The following FCRLB variants were observed in gnomAD, a reference collection of about 807,000 sequenced individuals.
FCRLB encodes Fc receptor like B.
Under a neutral mutation model 33.6 loss-of-function variants are expected in FCRLB, and 34 were observed. The observed-to-expected ratio is 1.01, with a 90% CI of 0.77 to 1.35. The LOEUF (loss-of-function observed/expected upper bound fraction) is 1.35. Among genes scored for constraint, FCRLB ranks in the 40% most tolerant of loss-of-function variants. The pLI, the probability that FCRLB is intolerant of heterozygous loss-of-function variation, is 0.00. For missense variants in FCRLB, 560 were observed against 580.2 expected, an observed-to-expected ratio of 0.97 and a Z score of 0.36; for synonymous variants, 280 against 255.9, an observed-to-expected ratio of 1.09 and a Z score of -0.90.
chr1:161,727,664 G>C, exon 8 of FCRLB: 1 of 1,587,448 alleles, frequency 6.3e-7, no homozygotes, highest in Non-Finnish European at 8.6e-7. Flanking sequence ...GAGAGCTGAG[G>C]GGGCGGCTAC....
exon 5 of FCRLB, chr1:161,723,427 A>T: frequency 6.2e-7 from 1 of 1,614,066 alleles, no homozygotes; most frequent in South Asian, 1.1e-5. Context: ...TTCAAAGGGG[A>T]GCGGGTAACT....
In FCRLB at chr1:161,726,758, G is replaced by T; in HGVS notation, c.630G>T (p.Ala210=). 6.3e-7 allele frequency: 1 copy of T among 1,585,958 alleles called. No homozygotes were observed. ...TGGGTCCGCGGGAGGCCCGCGGCGC[G>T]GCGCTGGGTGGGGTGGTGCTGCGCT... Residue 210 remains alanine, a synonymous_variant, in exon 7 of 8, where the codon GCG becomes GCT. Transcript: ENST00000367948. The surrounding 1 kb of genome is among the most constrained non-coding windows in gnomAD (Gnocchi z 5.2).
exon 5 of FCRLB, chr1:161,723,572 G>A: frequency 6.2e-7 from 1 of 1,614,200 alleles, no homozygotes; most frequent in Non-Finnish European, 8.5e-7. Context: ...ATCGATGCCA[G>A]ACACGGGGAG....
At chr1:161,725,784 T>C in intron 5 of FCRLB, 37 bp from the exon 6 acceptor site, 1 of 1,561,838 alleles carries the variant, frequency 6.4e-7, no homozygotes, top group South Asian at 1.2e-5. Context: ...GGCTGGACTT[T>C]CTGTGGAGTC....
rs899979866 is a variant in FCRLB at position 161,725,895 on chromosome 1, T to C, written c.382T>C (p.Tyr128His). 7 of 1,614,074 alleles carry C rather than the reference T, an allele frequency of 4.3e-6. 1 individual carries two copies. The highest frequency in any genetic ancestry group is 2.5e-6 in the Non-Finnish European group (3 of 1,179,992). Residue 128 changes from tyrosine (Y) to histidine (H), a missense_variant, in exon 6 of 8, where the codon TAC becomes CAC. Tyr to His is a moderately conservative substitution (Grantham distance 83). Coordinates refer to ENST00000367948, the Ensembl canonical transcript of FCRLB. ...GCTAGTCCTGCGCTGCCGCGGCTGGTACGACAAGGTGGTCTACAAGCTTCA... is the reference window on the plus strand; with the variant it reads ...GCTAGTCCTGCGCTGCCGCGGCTGGCACGACAAGGTGGTCTACAAGCTTCA...
In FCRLB at chr1:161,726,758, G is replaced by A. The variant is rs759439962; in HGVS notation, c.630G>A (p.Ala210=). The A allele has an allele frequency of 8.2e-6, 13 of 1,585,840 alleles. No individual in the cohort carries two copies. The highest frequency in any genetic ancestry group is 1.1e-5 in the South Asian group (1 of 87,452). Residue 210 remains alanine, a synonymous_variant, in exon 7 of 8, where the codon GCG becomes GCA. Transcript: ENST00000367948. This position sits in a 1 kb window ranked among gnomAD's most constrained non-coding sequence, Gnocchi z 5.2. ...TGGGTCCGCGGGAGGCCCGCGGCGCGGCGCTGGGTGGGGTGGTGCTGCGCT... is the reference window on the plus strand; with the variant it reads ...TGGGTCCGCGGGAGGCCCGCGGCGCAGCGCTGGGTGGGGTGGTGCTGCGCT...
Position 161,726,464 on chromosome 1 carries a change from T to C in FCRLB, c.575-239T>C. 1.4e-6 allele frequency: 1 copy of C among 733,172 alleles called. No homozygotes were observed. Among genetic ancestry groups the C allele is most frequent in the Admixed American group, 2.0e-5 (1 of 49,996 alleles). 45.4% of individuals were successfully genotyped at this position (733,172 alleles called of 1,614,324 possible). On this transcript the variant is annotated intron_variant, in intron 6 of 7. Transcript: ENST00000367948. This position sits in a 1 kb window ranked among gnomAD's most constrained non-coding sequence, Gnocchi z 5.2. Reference sequence around the variant, plus strand: ...AACCCGAGCTGAGTGTCAGTCGGGATGTGACATGAAGCGTCTGGCCTGGTC... The same window carrying C: ...AACCCGAGCTGAGTGTCAGTCGGGACGTGACATGAAGCGTCTGGCCTGGTC...
chr1:161,727,794 G>A (rs1367537193), exon 8 of FCRLB: 24 of 1,142,738 alleles, frequency 2.1e-5, no homozygotes, highest in Non-Finnish European at 2.8e-5. Context: ...CGCCCACGAA[G>A]TGTAGTGGCT....
Position 161,726,923 on chromosome 1 carries a change from CT to C in FCRLB, c.796del (p.Trp266GlyfsTer102). The C allele has an allele frequency of 6.3e-7, 1 of 1,575,086 alleles. No homozygotes were observed. The highest frequency in any genetic ancestry group is 8.6e-7 in the Non-Finnish European group (1 of 1,160,298). On this transcript the variant is annotated frameshift_variant, in exon 7 of 8. Transcript: ENST00000367948. LOFTEE classifies it high-confidence loss of function. The surrounding 1 kb of genome is among the most constrained non-coding windows in gnomAD (Gnocchi z 5.2). ...CCGAGGTCGAGGAGCTCGAATCGTA[CT>C]GGTGCGAGGCGGCTACCGCCACCCG... is the stretch of plus-strand genomic sequence containing the variant.
chr1:161,727,093 CGCCCCCCGCCTTTCCCAT>C, intron 7 of FCRLB, 100 bp downstream of exon 7: 1 of 1,326,890 alleles, frequency 7.5e-7, no homozygotes, highest in Non-Finnish European at 9.7e-7. Flanking sequence ...GTTCCCGTCC[CGCCCCCCGCCTTTCCCAT>C]CTCCCCTTCG....
Position 161,726,511 on chromosome 1 carries a change from C to T in FCRLB, c.575-192C>T, listed in dbSNP as rs1001056069. 2.4e-6 allele frequency: 2 copies of T among 830,312 alleles called. No homozygotes were observed. Among genetic ancestry groups the T allele is most frequent in the South Asian group, 1.4e-5 (1 of 69,254 alleles). 51.4% of individuals were successfully genotyped at this position (830,312 alleles called of 1,614,324 possible). A position where few individuals can be genotyped will look rare whatever the true frequency, so the allele number is the denominator to read the frequency against. On this transcript the variant is annotated intron_variant, in intron 6 of 7. Coordinates refer to ENST00000367948, the Ensembl canonical transcript of FCRLB. The surrounding 1 kb of genome is among the most constrained non-coding windows in gnomAD (Gnocchi z 5.2). ...GGTCCCTCTTCCTTTCAAGCTTTCC[C>T]CGTCCCTCGTGGACTCGGTCCCCCT...
chr1:161,727,043 C>T (rs1683604913), intron 7 of FCRLB, 50 bp downstream of exon 7: 1 of 1,442,280 alleles, frequency 6.9e-7, no homozygotes, highest in Non-Finnish European at 9.1e-7. Context: ...GTCAGCCCTG[C>T]TTCCGCCTCT....
intron 5 of FCRLB, among the ~76,000 whole-genome samples, chr1:161,725,445 A>C (rs992341317): frequency 1.3e-5 from 2 of 152,200 alleles, no homozygotes; most frequent in African/African-American, 4.8e-5. Flanking sequence ...GTTCAAGACC[A>C]GCCTGGCCAA....
intron 4 of FCRLB, 130 bp downstream of exon 4, chr1:161,723,139 C>A: frequency 7.8e-7 from 1 of 1,283,884 alleles, no homozygotes; most frequent in East Asian, 2.4e-5. Context: ...TCGTCAACCC[C>A]TGGGACTAAA....
chr1:161,727,063 C>G (rs1683607989), intron 7 of FCRLB, 70 bp downstream of exon 7: 2 of 1,410,916 alleles, frequency 1.4e-6, no homozygotes, highest in Non-Finnish European at 9.2e-7. Flanking sequence ...TCGGCACCCA[C>G]GAATCACCCC....
intron 5 of FCRLB, among the ~76,000 whole-genome samples, chr1:161,724,776 A>G (rs985436787): frequency 3.3e-5 from 5 of 152,156 alleles, no homozygotes; most frequent in African/African-American, 9.7e-5. Context: ...AATGTACAAC[A>G]CCTAAAATGG....
chr1:161,725,890 G>T (rs959297820), exon 6 of FCRLB: 1 of 1,614,090 alleles, frequency 6.2e-7, no homozygotes, highest in African/African-American at 1.3e-5. Context: ...CGCTGCCGCG[G>T]CTGGTACGAC....
Position 161,726,505 on chromosome 1 carries a change from C to T in FCRLB, c.575-198C>T, listed in dbSNP as rs1239584703. The T allele has an allele frequency of 2.5e-6, 2 of 814,382 alleles. No individual in the cohort carries two copies. Among genetic ancestry groups the T allele is most frequent in the Non-Finnish European group, 4.1e-6 (2 of 487,936 alleles). 50.4% of individuals were successfully genotyped at this position (814,382 alleles called of 1,614,324 possible). A position where few individuals can be genotyped will look rare whatever the true frequency, so the allele number is the denominator to read the frequency against. ...TGGCCTGGTCCCTCTTCCTTTCAAG[C>T]TTTCCCCGTCCCTCGTGGACTCGGT... On this transcript the variant is annotated intron_variant, in intron 6 of 7. Coordinates refer to ENST00000367948, the Ensembl canonical transcript of FCRLB. This position sits in a 1 kb window ranked among gnomAD's most constrained non-coding sequence, Gnocchi z 5.2.
At chr1:161,725,823 T>C in exon 6 of FCRLB, 1 of 1,603,524 alleles carries the variant, frequency 6.2e-7, no homozygotes, top group Non-Finnish European at 8.5e-7. Flanking sequence ...TGTCGCAGAT[T>C]GGCTGATTCT....
Sources: gnomAD v4.1 joint callset for allele counts (sites outside exome capture counted in the v4.1 genomes callset) on GRCh38, gnomAD v4.1.1 for gene constraint, Gnocchi (gnomAD v3.1) non-coding constraint, MANE v1.5 for transcripts, NCBI Gene and HGNC (gene_info 2026-07-23, HGNC 2026-07-21) for gene names.